MON1B: variants seen among roughly 807,000 people sequenced by gnomAD.
MON1B encodes the protein vacuolar fusion protein MON1 homolog B.
Under a neutral mutation model 45.1 loss-of-function variants are expected in MON1B, and 26 were observed. That is an observed-to-expected ratio of 0.58 (90% CI 0.42 to 0.80). The LOEUF (loss-of-function observed/expected upper bound fraction) is 0.80. Ranked by LOEUF, MON1B falls within the 30% of genes least tolerant of loss-of-function variation. The pLI, the probability that MON1B is intolerant of heterozygous loss-of-function variation, is 0.00. For missense variants in MON1B, 737 were observed against 754.5 expected (o/e 0.98, Z 0.27); for synonymous variants, 395 against 320.2 (o/e 1.23, Z -2.49).
chr16:77,198,430 G>A lies in MON1B; in HGVS notation c.*122G>A. On this transcript the variant is annotated 3_prime_UTR_variant, in exon 6 of 6. Transcript: ENST00000248248. ...CCAGTCATTGTCTCCCTAAGCAATGGGGCAAGGTCTGAGGGCCCACCGATG... is the reference window on the plus strand; with the variant it reads ...CCAGTCATTGTCTCCCTAAGCAATGAGGCAAGGTCTGAGGGCCCACCGATG... The A allele has an allele frequency of 2.6e-6, 3 of 1,139,546 alleles. No individual in the cohort carries two copies. Among genetic ancestry groups the A allele is most frequent in the Non-Finnish European group, 3.8e-6 (3 of 790,570 alleles). The allele number at this position is 1,139,546 out of a possible 1,614,324, so 70.6% of individuals were successfully genotyped here.
chr16:77,200,001 C>G lies in MON1B; in HGVS notation c.*1693C>G, dbSNP rs977798343. 1 of 133,828 alleles carries G rather than the reference C, an allele frequency of 7.5e-6. No homozygotes were observed. Among genetic ancestry groups the G allele is most frequent in the Non-Finnish European group, 1.6e-5 (1 of 61,338 alleles). 8.3% of individuals were successfully genotyped at this position (133,828 alleles called of 1,614,324 possible). A position where few individuals can be genotyped will look rare whatever the true frequency, so the allele number is the denominator to read the frequency against. ...CAAAGGAGGGTGGAGGGGTGTCGGC[C>G]TAGACACTATTGGAAATTGTATTCC... On this transcript the variant is annotated 3_prime_UTR_variant, in exon 6 of 6. Coordinates refer to ENST00000248248, the MANE Select transcript of MON1B (RefSeq NM_014940.4).
rs1567418492 is a variant in MON1B, at chr16:77,194,235, T to C, written c.476-100T>C. The C allele has an allele frequency of 9.3e-7, 1 of 1,077,682 alleles. No homozygotes were observed. The highest frequency in any genetic ancestry group is 1.4e-6 in the Non-Finnish European group (1 of 705,746). 66.8% of individuals were successfully genotyped at this position (1,077,682 alleles called of 1,614,324 possible). ...CAGAGTGAGCATGTGGACTCGGGCC[T>C]GGTGTGTGTATGGTAGGAGAGGGCA... On this transcript the variant is annotated intron_variant, in intron 3 of 5. Coordinates refer to ENST00000248248, the MANE Select transcript of MON1B (RefSeq NM_014940.4). This position sits in a 1 kb window ranked among gnomAD's most constrained non-coding sequence, Gnocchi z 8.1.
At chr16:77,195,279 G>C (rs532760018) in intron 4 of MON1B, 125 bp downstream of exon 4, 3 of 1,095,446 alleles carry the variant, frequency 2.7e-6, no homozygotes, top group South Asian at 1.6e-5. Context: ...AAGAGAACAA[G>C]TCTCTGTCTG....
In MON1B at chr16:77,199,021, CAG is replaced by C. The variant is rs2054698199; in HGVS notation, c.*717_*718del. The C allele has an allele frequency of 6.0e-6, 1 of 166,740 alleles. No individual in the cohort carries two copies. The highest frequency in any genetic ancestry group is 2.4e-5 in the African/African-American group (1 of 41,938). 10.3% of individuals were successfully genotyped at this position (166,740 alleles called of 1,614,324 possible). On this transcript the variant is annotated 3_prime_UTR_variant, in exon 6 of 6. Transcript: ENST00000248248. ...AGCCTCGTTTTACTCATCTGTGAAA[CAG>C]AGATAAGTAACCCTCTCTCATGAAC... is the stretch of plus-strand genomic sequence containing the variant.
chr16:77,191,694 G>C, intron 2 of MON1B, 61 bp downstream of exon 2: 1 of 1,552,518 alleles, frequency 6.4e-7, no homozygotes, highest in Non-Finnish European at 8.7e-7. Context: ...TGTTGGACGG[G>C]GGAAGGGTCA....
In MON1B at chr16:77,194,685, TCAGTGCTGG is replaced by T; in HGVS notation, c.831_839del (p.Leu278_Val280del). 6.2e-7 allele frequency: 1 copy of T among 1,613,930 alleles called. No homozygotes were observed. Among genetic ancestry groups the T allele is most frequent in the Non-Finnish European group, 8.5e-7 (1 of 1,179,902 alleles). ...TTGCACAGCGCCTGGCCTGGCGCTG[TCAGTGCTGG>T]CAGTAGGCGGTCGACTTATAACAGC... On this transcript the variant is annotated inframe_deletion, in exon 4 of 6. Coordinates refer to ENST00000248248, the MANE Select transcript of MON1B (RefSeq NM_014940.4). The surrounding 1 kb of genome is among the most constrained non-coding windows in gnomAD (Gnocchi z 8.1).
At chr16:77,196,444 C>A (rs1168330304) in intron 5 of MON1B, among the ~76,000 whole-genome samples, 2 of 152,176 alleles carry the variant, frequency 1.3e-5, no homozygotes, top group African/African-American at 4.8e-5. Context: ...CTAACTCCAT[C>A]ATTCTTTCTA....
Position 77,199,198 on chromosome 16 carries a change from A to G in MON1B, c.*890A>G, listed in dbSNP as rs1441755296. On this transcript the variant is annotated 3_prime_UTR_variant, in exon 6 of 6. Transcript: ENST00000248248. ...TCCCTAGGGTTTTGTGTGTGTGCAC[A>G]CTACCCTCACTCCCCAACTGGCCAT... 2 of 500,734 alleles carry G rather than the reference A, an allele frequency of 4.0e-6. No homozygotes were observed. Among genetic ancestry groups the G allele is most frequent in the Non-Finnish European group, 7.1e-6 (2 of 281,512 alleles). The allele number at this position is 500,734 out of a possible 1,614,324, so 31.0% of individuals were successfully genotyped here.
At chr16:77,195,233 T>C in intron 4 of MON1B, 79 bp downstream of exon 4, 1 of 1,323,946 alleles carries the variant, frequency 7.6e-7, no homozygotes, top group Non-Finnish European at 1.0e-6. Context: ...GGGATGTGAC[T>C]CAGGAGAGAT....
At chr16:77,195,777 A>C (rs2054659746) in intron 5 of MON1B, 95 bp downstream of exon 5, 1 of 1,456,356 alleles carries the variant, frequency 6.9e-7, no homozygotes, top group Non-Finnish European at 9.4e-7. Flanking sequence ...TCCACCAAAC[A>C]CAGCAGGCCT....
In MON1B at chr16:77,199,388, C is replaced by A. The variant is rs906740660; in HGVS notation, c.*1080C>A. The stretch of plus-strand genomic sequence containing the variant: ...CATGCGTGCTGAAAAGCCTTTCACC[C>A]TCACGTGGTTTCTTTTTTAACCAGT... On this transcript the variant is annotated 3_prime_UTR_variant, in exon 6 of 6. Coordinates refer to ENST00000248248, the MANE Select transcript of MON1B (RefSeq NM_014940.4). The A allele has an allele frequency of 6.6e-7, 1 of 1,505,338 alleles. No individual in the cohort carries two copies. The highest frequency in any genetic ancestry group is 1.2e-5 in the South Asian group (1 of 82,656). The allele number at this position is 1,505,338 out of a possible 1,614,324, so 93.2% of individuals were successfully genotyped here.
In MON1B at chr16:77,202,059, T is replaced by A. The variant is rs2142511094; in HGVS notation, c.*3751T>A. 6.6e-6 allele frequency: 1 copy of A among 152,360 alleles called. No individual in the cohort carries two copies. The highest frequency in any genetic ancestry group is 1.9e-4 in the East Asian group (1 of 5,194). 9.4% of individuals were successfully genotyped at this position (152,360 alleles called of 1,614,324 possible). On this transcript the variant is annotated 3_prime_UTR_variant, in exon 6 of 6. Coordinates refer to ENST00000248248, the MANE Select transcript of MON1B (RefSeq NM_014940.4). ...ATTTTTGTGATTTATTGTTCTATTT[T>A]TTCTTCTAGAAAAATGTAAGTAGTC...
rs115940881 is a variant in MON1B at position 77,195,216 on chromosome 16, C to T, written c.1295+62C>T. 16 of 1,409,866 alleles carry T rather than the reference C, an allele frequency of 1.1e-5. No homozygotes were observed. In the South Asian group the frequency reaches 2.0e-4, roughly 17 times the overall value. 87.3% of individuals were successfully genotyped at this position (1,409,866 alleles called of 1,614,324 possible). ...AGGCCTGTCAAACCAGGAAGTTCAG[C>T]ATCTCAGGGATGTGACTCAGGAGAG... is the stretch of plus-strand genomic sequence containing the variant. On this transcript the variant is annotated intron_variant, in intron 4 of 5. Transcript: ENST00000248248.
In MON1B at chr16:77,195,079, C is replaced by T. The variant is rs751045126; in HGVS notation, c.1220C>T (p.Ala407Val). ...APAYSVQAVG[A>V]PGLRHFLYKP... ...GCCTACAGCGTGCAGGCTGTCGGGG[C>T]GCCGGGCCTCCGGCACTTCCTGTAT... The change falls in exon 4 of 6, where the codon GCG becomes GTG. Residue 407 changes from alanine (A) to valine (V), a missense_variant. Transcript: ENST00000248248. The T allele has an allele frequency of 8.1e-6, 13 of 1,604,956 alleles. No homozygotes were observed. The highest frequency in any genetic ancestry group is 4.5e-5 in the East Asian group (2 of 44,828).
chr16:77,193,870 G>C lies in MON1B; in HGVS notation c.475+93G>C. On this transcript the variant is annotated intron_variant, in intron 3 of 5. Coordinates refer to ENST00000248248, the MANE Select transcript of MON1B (RefSeq NM_014940.4). This position sits in a 1 kb window ranked among gnomAD's most constrained non-coding sequence, Gnocchi z 5.0. ...GTCTGCCTCAGGCACTATCCAGCCAGCCAGGGTTGGGTCCATGTGTGTGGA... is the reference window on the plus strand; with the variant it reads ...GTCTGCCTCAGGCACTATCCAGCCACCCAGGGTTGGGTCCATGTGTGTGGA... 1 of 1,344,374 alleles carries C rather than the reference G, an allele frequency of 7.4e-7. No individual in the cohort carries two copies. The highest frequency in any genetic ancestry group is 1.0e-6 in the Non-Finnish European group (1 of 989,940). The allele number at this position is 1,344,374 out of a possible 1,614,324, so 83.3% of individuals were successfully genotyped here. A position where few individuals can be genotyped will look rare whatever the true frequency, so the allele number is the denominator to read the frequency against.
In MON1B at chr16:77,198,516, C is replaced by G. The variant is rs1158196255; in HGVS notation, c.*208C>G. On this transcript the variant is annotated 3_prime_UTR_variant, in exon 6 of 6. Coordinates refer to ENST00000248248, the MANE Select transcript of MON1B (RefSeq NM_014940.4). ...CTTTCCCTGCCCAGTCATGCACCTC[C>G]CCCTCTGGGGAAATCCTTAGGCCTC... 1.5e-5 allele frequency: 9 copies of G among 602,180 alleles called. No individual in the cohort carries two copies. Among genetic ancestry groups the G allele is most frequent in the East Asian group, 1.4e-4 (5 of 35,642 alleles). The allele number at this position is 602,180 out of a possible 1,614,324, so 37.3% of individuals were successfully genotyped here. A position where few individuals can be genotyped will look rare whatever the true frequency, so the allele number is the denominator to read the frequency against.
rs2054636913 is a variant in MON1B, at chr16:77,193,808, G to T, written c.475+31G>T. On this transcript the variant is annotated intron_variant, in intron 3 of 5. Coordinates refer to ENST00000248248, the MANE Select transcript of MON1B (RefSeq NM_014940.4). This position sits in a 1 kb window ranked among gnomAD's most constrained non-coding sequence, Gnocchi z 5.0. ...CAAACAGGTGGGAGGCAGAATGGGG[G>T]ACAGTGACTGGGAATATGGCTGGCA... 2 of 1,583,056 alleles carry T rather than the reference G, an allele frequency of 1.3e-6. No homozygotes were observed. Among genetic ancestry groups the T allele is most frequent in the Middle Eastern group, 2.0e-4 (1 of 5,066 alleles).
At position 77,198,468 on chromosome 16, in the gene MON1B, G is replaced by T. The variant is rs546110838; in HGVS notation, c.*160G>T. 3.6e-5 allele frequency: 28 copies of T among 776,804 alleles called. No individual in the cohort carries two copies. The East Asian group carries it at 4.3e-4, about 12-fold the overall frequency. The allele number at this position is 776,804 out of a possible 1,614,324, so 48.1% of individuals were successfully genotyped here. A position where few individuals can be genotyped will look rare whatever the true frequency, so the allele number is the denominator to read the frequency against. On this transcript the variant is annotated 3_prime_UTR_variant, in exon 6 of 6. Transcript: ENST00000248248. The stretch of plus-strand genomic sequence containing the variant: ...GGGCCCACCGATGAGAGAGATGGTG[G>T]CAGCCGCCAGGCGAGCAGGCTGCTT...
At position 77,191,481 on chromosome 16, in the gene MON1B, T is replaced by C; in HGVS notation, c.-5T>C. 1.2e-6 allele frequency: 2 copies of C among 1,600,216 alleles called. No individual in the cohort carries two copies. The highest frequency in any genetic ancestry group is 1.7e-6 in the Non-Finnish European group (2 of 1,175,534). ...TCGATTCCCCTCCCACTCAGGGATG[T>C]GCAGATGGAGGTCGGAGGAGACACT... On this transcript the variant is annotated 5_prime_UTR_variant, in exon 2 of 6. Coordinates refer to ENST00000248248, the MANE Select transcript of MON1B (RefSeq NM_014940.4).
Sources: allele counts gnomAD v4.1 joint callset (sites outside exome capture counted in the v4.1 genomes callset), GRCh38; gene constraint gnomAD v4.1.1; non-coding constraint Gnocchi (gnomAD v3.1); transcripts MANE v1.5; gene names NCBI Gene and HGNC (gene_info 2026-07-23, HGNC 2026-07-21).